The following RIPOR2 variants were observed in gnomAD, a reference collection of about 807,000 sequenced individuals.
RIPOR2 encodes rho family-interacting cell polarization regulator 2.
In RIPOR2, 39 loss-of-function variants were observed where a neutral mutation model predicts 114.5. That is an observed-to-expected ratio of 0.34 (90% CI 0.26 to 0.44). The LOEUF is 0.44. Among genes scored for constraint, RIPOR2 ranks in the 20% least tolerant of loss-of-function variants. The pLI is 1.00. For missense variants in RIPOR2, 1,007 were observed against 1,255.1 expected (o/e 0.80, Z 2.99); for synonymous variants, 445 against 484.4 (o/e 0.92, Z 1.07).
intron 1 of RIPOR2, among the ~76,000 whole-genome samples, chr6:24,953,449 C>G (rs1458658733): frequency 6.6e-6 from 1 of 152,088 alleles, no homozygotes; most frequent in African/African-American, 2.4e-5. Flanking sequence ...GGTGTGTGCC[C>G]CACAGAAAGA....
chr6:24,930,481 G>T (rs150037666), intron 1 of RIPOR2, among the ~76,000 whole-genome samples: 1 of 152,216 alleles, frequency 6.6e-6, no homozygotes, highest in African/African-American at 2.4e-5. Flanking sequence ...CATAAATCAG[G>T]GGGGTGGACT....
chr6:25,034,646 T>C (rs972946452), intron 1 of RIPOR2, among the ~76,000 whole-genome samples: 2 of 152,248 alleles, frequency 1.3e-5, no homozygotes, highest in African/African-American at 2.4e-5. Context: ...GACTTCAGAA[T>C]CCATCGAGGC....
At chr6:24,911,383 G>T (rs763167194) in intron 1 of RIPOR2, among the ~76,000 whole-genome samples, 2 of 152,078 alleles carry the variant, frequency 1.3e-5, no homozygotes, top group Non-Finnish European at 2.9e-5. Flanking sequence ...CAGAGGAAAG[G>T]AGCCGAGGCA....
chr6:24,987,474 G>A (rs1854358), intron 1 of RIPOR2, among the ~76,000 whole-genome samples: 151,838 of 152,370 alleles, frequency 1, 75,656 homozygotes, highest in East Asian at 1. Flanking sequence ...AAGACAAGCT[G>A]TCCCAGAGGT....
chr6:25,022,812 T>C (rs1352824952), intron 1 of RIPOR2, among the ~76,000 whole-genome samples: 6 of 151,960 alleles, frequency 3.9e-5, no homozygotes, highest in African/African-American at 9.7e-5. Flanking sequence ...TCCCAAAGTT[T>C]TGGGATTACA....
At chr6:24,960,882 T>C (rs1260204768) in intron 1 of RIPOR2, among the ~76,000 whole-genome samples, 1 of 152,096 alleles carries the variant, frequency 6.6e-6, no homozygotes, top group Non-Finnish European at 1.5e-5. Context: ...CACATGTTAT[T>C]AACCTCCAGC....
rs767133936 is a variant in RIPOR2 at position 24,806,428 on chromosome 6, C to G, written c.3089G>C (p.Arg1030Pro). Residue 1030 changes from arginine to proline, a missense_variant, in exon 22 of 22, where the codon CGA (arginine) becomes CCA (proline). Physicochemically the swap from Arg to Pro is moderately radical, Grantham distance 103 (BLOSUM62 -2). Transcript: ENST00000643898. The stretch of plus-strand genomic sequence containing the variant: ...ACGACCTCCGACTTTAACACAGTCT[C>G]GAGGAAATTTGTCCAATTGTTCATA... ...LAYEQLDKFPRDCVKVGGRHG... is the reference protein window; with the variant it reads ...LAYEQLDKFPPDCVKVGGRHG... 1.3e-6 allele frequency: 2 copies of G among 1,551,774 alleles called. No homozygotes were observed. The highest frequency in any genetic ancestry group is 1.7e-6 in the Non-Finnish European group (2 of 1,146,984).
chr6:24,895,520 C>G (rs1268373485), intron 1 of RIPOR2, among the ~76,000 whole-genome samples: 1 of 151,998 alleles, frequency 6.6e-6, no homozygotes, highest in African/African-American at 2.4e-5. Context: ...GCCTCCCATC[C>G]TTTTAACATG....
chr6:24,847,979 T>C, intron 12 of RIPOR2, 46 bp downstream of exon 12: 6 of 1,612,186 alleles, frequency 3.7e-6, no homozygotes, highest in Non-Finnish European at 5.1e-6. Flanking sequence ...GTGCAAGCAC[T>C]GGCTCAGGTG....
chr6:24,806,876 C>T (rs746098402), intron 21 of RIPOR2, among the ~76,000 whole-genome samples: 10 of 152,176 alleles, frequency 6.6e-5, no homozygotes, highest in Non-Finnish European at 1.3e-4. Flanking sequence ...TATATCGATA[C>T]ATCTAAATGA....
At chr6:24,865,258 G>A (rs1370932776) in intron 7 of RIPOR2, 43 bp downstream of exon 7, 2 of 1,540,414 alleles carry the variant, frequency 1.3e-6, no homozygotes, top group South Asian at 2.4e-5. Context: ...TTCACACCAG[G>A]CCAGATGGGA....
At chr6:24,924,148 C>T (rs942571413) in intron 1 of RIPOR2, among the ~76,000 whole-genome samples, 7 of 152,188 alleles carry the variant, frequency 4.6e-5, no homozygotes, top group Admixed American at 3.3e-4. Context: ...CAAAGCTCTG[C>T]TAATCCCATG....
At chr6:24,930,434 C>T (rs570450734) in intron 1 of RIPOR2, among the ~76,000 whole-genome samples, 1 of 152,274 alleles carries the variant, frequency 6.6e-6, no homozygotes, top group African/African-American at 2.4e-5. Context: ...TTGGCATTGG[C>T]CTGATCTAAA....
intron 14 of RIPOR2, among the ~76,000 whole-genome samples, chr6:24,836,545 G>A (rs1040891768): frequency 3.3e-5 from 5 of 152,254 alleles, no homozygotes; most frequent in African/African-American, 9.6e-5. Flanking sequence ...CTAAACCTGC[G>A]TACTAGGGAG....
intron 1 of RIPOR2, among the ~76,000 whole-genome samples, chr6:24,990,047 TA>T (rs1231575351): frequency 6.6e-6 from 1 of 151,602 alleles, no homozygotes; most frequent in African/African-American, 2.4e-5. Flanking sequence ...TAAAAAAAAA[TA>T]AAAAAATACC....
Position 24,837,800 on chromosome 6 carries a change from G to GT in RIPOR2, c.2039+1290dup, listed in dbSNP as rs745860101. Among the ~76,000 whole-genome samples the GT allele has an allele frequency of 1.4e-3, 205 of 146,468 alleles. 1 individual carries two copies. The highest frequency in any genetic ancestry group is 8.6e-3 in the South Asian group (40 of 4,664). On this transcript the variant is annotated intron_variant, in intron 14 of 21. Transcript: ENST00000643898. ...TTATGGGGTAAATTCAAGTTCTCATGTTTTTTTTTTTCCTGGTTTTATTTT... is the reference window on the plus strand; with the variant it reads ...TTATGGGGTAAATTCAAGTTCTCATGTTTTTTTTTTTTCCTGGTTTTATTTT...
upstream of RIPOR2, among the ~76,000 whole-genome samples, chr6:24,936,796 G>A (rs1039850026): frequency 9.2e-5 from 14 of 152,128 alleles, no homozygotes; most frequent in African/African-American, 2.9e-4. Flanking sequence ...GTAATACTGA[G>A]ACTTCATTTC....
At chr6:24,942,077 G>T (rs1213734205) in intron 1 of RIPOR2, among the ~76,000 whole-genome samples, 1 of 152,090 alleles carries the variant, frequency 6.6e-6, no homozygotes, top group East Asian at 1.9e-4. Context: ...TTAAAGAAAG[G>T]CATGCATTTT....
chr6:24,867,495 G>A (rs1311080607), intron 6 of RIPOR2, among the ~76,000 whole-genome samples: 1 of 152,210 alleles, frequency 6.6e-6, no homozygotes, highest in East Asian at 1.9e-4. Context: ...TGCAGGTCAG[G>A]CTATGTCACC....
Sources: allele counts gnomAD v4.1 joint callset (sites outside exome capture counted in the v4.1 genomes callset), GRCh38; gene constraint gnomAD v4.1.1; transcripts MANE v1.5; gene names NCBI Gene and HGNC (gene_info 2026-07-23, HGNC 2026-07-21).